PARG: variants seen among roughly 807,000 people sequenced by gnomAD.
PARG encodes mitochondrial poly(ADP-ribose) glycohydrolase.
In PARG, 35 loss-of-function variants were observed where a neutral mutation model predicts 113.0. That is an observed-to-expected ratio of 0.31 (90% CI 0.24 to 0.41). PARG has a LOEUF of 0.41. Among genes scored for constraint, PARG ranks in the 10% least tolerant of loss-of-function variants. PARG has a pLI of 1.00. For missense variants in PARG, 797 were observed against 1,169.4 expected, an observed-to-expected ratio of 0.68 and a Z score of 4.64; for synonymous variants, 330 against 409.9, an observed-to-expected ratio of 0.81 and a Z score of 2.36.
intron 4 of PARG, among the ~76,000 whole-genome samples, chr10:49,928,271 G>GAA (rs546085753): frequency 7.2e-6 from 1 of 139,668 alleles, no homozygotes. Context: ...ACTCCATCTC[G>GAA]AAAAAAAAAA....
At chr10:49,931,597 C>T (rs1358797300) in intron 4 of PARG, among the ~76,000 whole-genome samples, 2 of 151,500 alleles carry the variant, frequency 1.3e-5, no homozygotes, top group African/African-American at 4.9e-5. Context: ...TCTCGACTCA[C>T]TGGCCTTCCC....
At position 49,854,734 on chromosome 10, in the gene PARG, A is replaced by G. The variant is rs1325722179; in HGVS notation, c.2353+2572T>C. On this transcript the variant is annotated intron_variant, in intron 13 of 17. Coordinates refer to ENST00000616448, the MANE Select transcript of PARG (RefSeq NM_003631.5). ...TCATTGAGACTTATTAGTTTCAGGC[A>G]TCTAAGGAAATCTGTTCAAGCATTA... Among the ~76,000 whole-genome samples, 6 of 138,390 alleles carry G rather than the reference A, an allele frequency of 4.3e-5. 1 individual carries two copies. Among genetic ancestry groups the G allele is most frequent in the Admixed American group, 1.5e-4 (2 of 13,754 alleles). The allele number at this position is 138,390 out of a possible 152,430, so 90.8% of individuals were successfully genotyped here.
intron 17 of PARG, among the ~76,000 whole-genome samples, 199 bp from the exon 18 acceptor site, chr10:49,819,693 A>C (rs1044131398): frequency 6.6e-6 from 1 of 152,178 alleles, no homozygotes; most frequent in African/African-American, 2.4e-5. Flanking sequence ...TAAAGAAACA[A>C]CTTCTTTGCT....
At chr10:49,896,395 C>T (rs1192117144) in intron 7 of PARG, among the ~76,000 whole-genome samples, 25 of 152,174 alleles carry the variant, frequency 1.6e-4, no homozygotes, top group Middle Eastern at 3.2e-3. Context: ...AGCAATTCTC[C>T]TGCCTCAGCC....
intron 10 of PARG, among the ~76,000 whole-genome samples, chr10:49,865,955 A>C (rs1209581067): frequency 6.7e-6 from 1 of 149,290 alleles, no homozygotes; most frequent in Non-Finnish European, 1.5e-5. Flanking sequence ...AATAGTGGGC[A>C]ATCACTCTAC....
chr10:49,907,026 C>T (rs2132785992), intron 7 of PARG, among the ~76,000 whole-genome samples: 1 of 151,940 alleles, frequency 6.6e-6, no homozygotes, highest in Non-Finnish European at 1.5e-5. Context: ...TGGAAGATGC[C>T]CTTTGTTTAT....
chr10:49,890,258 G>A (rs1847702405), intron 7 of PARG, among the ~76,000 whole-genome samples: 1 of 152,054 alleles, frequency 6.6e-6, no homozygotes, highest in Admixed American at 6.5e-5. Flanking sequence ...TTTGATCTGT[G>A]CGTGTGCGCG....
At chr10:49,822,459 T>C (rs905198696) in intron 16 of PARG, among the ~76,000 whole-genome samples, 1 of 152,030 alleles carries the variant, frequency 6.6e-6, no homozygotes, top group Non-Finnish European at 1.5e-5. Context: ...TACCAGAAGG[T>C]AAAGTAGTGC....
At chr10:49,934,237 T>G in intron 2 of PARG, 74 bp from the exon 3 acceptor site, 1 of 683,616 alleles carries the variant, frequency 1.5e-6, no homozygotes. Context: ...ACCCCCAGTG[T>G]CACAGCAGTA....
intron 15 of PARG, among the ~76,000 whole-genome samples, chr10:49,834,336 T>G (rs1248304091): frequency 2.6e-5 from 4 of 152,220 alleles, no homozygotes; most frequent in Non-Finnish European, 5.9e-5. Flanking sequence ...CTTCCTCAGA[T>G]TCCTAGTTCA....
In PARG at chr10:49,923,866, C is replaced by T. The variant is rs144438709; in HGVS notation, c.1456-1197G>A. Among the ~76,000 whole-genome samples, 521 of 151,860 alleles carry T rather than the reference C, an allele frequency of 3.4e-3. 11 individuals carry two copies. The East Asian group carries it at 0.043, about 12-fold the overall frequency. On this transcript the variant is annotated intron_variant, in intron 4 of 17. Coordinates refer to ENST00000616448, the MANE Select transcript of PARG (RefSeq NM_003631.5). Reference sequence around the variant, plus strand: ...ATATGTACAACTCCAGTAATCACACCGCGCATGCAGACAGCCCATCTCAAG... The same window carrying T: ...ATATGTACAACTCCAGTAATCACACTGCGCATGCAGACAGCCCATCTCAAG...
intron 6 of PARG, among the ~76,000 whole-genome samples, chr10:49,916,656 T>C (rs1460644025): frequency 6.6e-6 from 1 of 152,154 alleles, no homozygotes; most frequent in African/African-American, 2.4e-5. Flanking sequence ...GGCAATACTA[T>C]ACATCTGGTT....
At position 49,920,511 on chromosome 10, in the gene PARG, C is replaced by T. The variant is rs368123420; in HGVS notation, c.1662+1825G>A. 6.1e-3 allele frequency among the ~76,000 whole-genome samples: 646 copies of T among 105,896 alleles called. 9 individuals carry two copies. Among genetic ancestry groups the T allele is most frequent in the African/African-American group, 0.018 (473 of 26,752 alleles). The allele number at this position is 105,896 out of a possible 152,430, so 69.5% of individuals were successfully genotyped here. ...ATATATATATATACACACACACACACATATATATGTATATACATGTATATA... is the reference window on the plus strand; with the variant it reads ...ATATATATATATACACACACACACATATATATATGTATATACATGTATATA... On this transcript the variant is annotated intron_variant, in intron 6 of 17. Coordinates refer to ENST00000616448, the MANE Select transcript of PARG (RefSeq NM_003631.5).
chr10:49,882,064 A>T (rs2573500), intron 8 of PARG, among the ~76,000 whole-genome samples: 1 of 152,216 alleles, frequency 6.6e-6, no homozygotes, highest in Non-Finnish European at 1.5e-5. Flanking sequence ...AGATTTCAGG[A>T]TTAATGGACT....
At chr10:49,896,163 C>G (rs1554842700) in intron 7 of PARG, among the ~76,000 whole-genome samples, 4 of 152,182 alleles carry the variant, frequency 2.6e-5, no homozygotes, top group African/African-American at 9.7e-5. Context: ...TCTTGCTTTT[C>G]CCCCAATCTT....
At chr10:49,883,312 T>C (rs1300190834) in intron 8 of PARG, among the ~76,000 whole-genome samples, 3 of 151,688 alleles carry the variant, frequency 2.0e-5, no homozygotes, top group Non-Finnish European at 4.4e-5. Flanking sequence ...CAAATGTCCA[T>C]AGGGCCCCTG....
At chr10:49,899,508 C>T (rs1208247003) in intron 7 of PARG, among the ~76,000 whole-genome samples, 3 of 152,188 alleles carry the variant, frequency 2.0e-5, no homozygotes, top group African/African-American at 7.2e-5. Flanking sequence ...TCGCCCATGA[C>T]AATTATGGCT....
At chr10:49,835,195 G>A (rs1554830889) in intron 15 of PARG, among the ~76,000 whole-genome samples, 1 of 152,126 alleles carries the variant, frequency 6.6e-6, no homozygotes. Context: ...TCACTCCACA[G>A]CGAAAGGCAT....
intron 6 of PARG, among the ~76,000 whole-genome samples, chr10:49,919,182 C>A (rs1467475055): frequency 2.6e-5 from 4 of 152,170 alleles, no homozygotes; most frequent in African/African-American, 9.7e-5. Flanking sequence ...CTCTGGCGAC[C>A]TGCCTGCCTC....
Sources: gnomAD v4.1 joint callset for allele counts (sites outside exome capture counted in the v4.1 genomes callset) on GRCh38, gnomAD v4.1.1 for gene constraint, MANE v1.5 for transcripts, NCBI Gene and HGNC (gene_info 2026-07-23, HGNC 2026-07-21) for gene names.